TSPAN9: variants seen among roughly 807,000 people sequenced by gnomAD.
TSPAN9 encodes tetraspanin-9.
TSPAN9 carries 16 observed loss-of-function variants against 31.0 expected under a neutral mutation model. That is an observed-to-expected ratio of 0.52 (90% CI 0.35 to 0.78). The LOEUF (loss-of-function observed/expected upper bound fraction) is 0.78. TSPAN9 is among the 30% of genes least tolerant of loss of function. The probability of loss-of-function intolerance (pLI) is 0.01; values close to 1 mark genes in which losing one functional copy is unlikely to be tolerated. For missense variants in TSPAN9, 272 were observed against 312.5 expected (o/e 0.87, Z 0.98); for synonymous variants, 145 against 121.6 (o/e 1.19, Z -1.27).
At chr12:3,244,489 G>T (rs1393896466) in intron 3 of TSPAN9, among the ~76,000 whole-genome samples, 1 of 152,234 alleles carries the variant, frequency 6.6e-6, no homozygotes, top group South Asian at 2.1e-4. Flanking sequence ...GGCGTGAGGT[G>T]CGCAGATGGG....
intron 2 of TSPAN9, among the ~76,000 whole-genome samples, chr12:3,105,269 A>C (rs1008058096): frequency 2.0e-5 from 3 of 152,138 alleles, no homozygotes; most frequent in African/African-American, 7.2e-5. Context: ...CTCCCAGGGG[A>C]GGGAAGCTCC....
chr12:3,133,888 C>T (rs948423867), intron 2 of TSPAN9, among the ~76,000 whole-genome samples: 3 of 152,270 alleles, frequency 2.0e-5, no homozygotes, highest in Non-Finnish European at 4.4e-5. Context: ...GCCACCCAGG[C>T]GCAGTTTCTA....
chr12:3,259,125 G>T (rs78646247), intron 3 of TSPAN9, among the ~76,000 whole-genome samples: 5,095 of 152,302 alleles, frequency 0.033, 281 homozygotes, highest in African/African-American at 0.12. Flanking sequence ...TTTTCATTTT[G>T]TATGTGAGGA....
intron 8 of TSPAN9, among the ~76,000 whole-genome samples, chr12:3,282,837 G>A (rs529163004): frequency 6.6e-6 from 1 of 152,374 alleles, no homozygotes; most frequent in African/African-American, 2.4e-5. Context: ...AGCCCCACGA[G>A]GCTGAGCCAG....
chr12:3,280,286 C>A lies in TSPAN9; in HGVS notation c.331-96C>A. ...TGCCTTCCCTGCCTTCCTCACTCCTCATCTGTCACCCACCATCCTGGGTGA... is the reference window on the plus strand; with the variant it reads ...TGCCTTCCCTGCCTTCCTCACTCCTAATCTGTCACCCACCATCCTGGGTGA... On this transcript the variant is annotated intron_variant, in intron 5 of 8. Coordinates refer to ENST00000011898, the MANE Select transcript of TSPAN9 (RefSeq NM_006675.5). This position sits in a 1 kb window ranked among gnomAD's most constrained non-coding sequence, Gnocchi z 4.5. The A allele has an allele frequency of 8.9e-7, 1 of 1,127,102 alleles. No homozygotes were observed. Among genetic ancestry groups the A allele is most frequent in the Non-Finnish European group, 1.3e-6 (1 of 762,432 alleles). The allele number at this position is 1,127,102 out of a possible 1,614,324, so 69.8% of individuals were successfully genotyped here. A position where few individuals can be genotyped will look rare whatever the true frequency, so the allele number is the denominator to read the frequency against.
intron 2 of TSPAN9, among the ~76,000 whole-genome samples, chr12:3,185,710 G>A (rs2098360909): frequency 6.6e-6 from 1 of 152,246 alleles, no homozygotes; most frequent in Admixed American, 6.5e-5. Flanking sequence ...GAGCCCGCCT[G>A]AGGCCTGATG....
At chr12:3,093,508 G>A (rs2098306018) in intron 2 of TSPAN9, among the ~76,000 whole-genome samples, 1 of 152,162 alleles carries the variant, frequency 6.6e-6, no homozygotes. Context: ...AACGTGGATG[G>A]GGGCTGCGGA....
chr12:3,173,152 T>C (rs2098353011), intron 2 of TSPAN9: 1 of 152,580 alleles, frequency 6.6e-6, no homozygotes, highest in Non-Finnish European at 1.5e-5. Flanking sequence ...TGGCTGTGCC[T>C]GGCATGTGGA....
intron 2 of TSPAN9, among the ~76,000 whole-genome samples, chr12:3,088,948 A>G (rs543870200): frequency 3.3e-5 from 5 of 152,020 alleles, no homozygotes; most frequent in African/African-American, 7.2e-5. Flanking sequence ...AAGGGACACT[A>G]TAGGCTGGGT....
intron 2 of TSPAN9, among the ~76,000 whole-genome samples, chr12:3,104,518 A>G (rs946836734): frequency 3.3e-5 from 5 of 151,860 alleles, no homozygotes; most frequent in Admixed American, 2.6e-4. Flanking sequence ...ACGCCTGGTT[A>G]ATTTTTGCAT....
At position 3,280,622 on chromosome 12, in the gene TSPAN9, G is replaced by T; in HGVS notation, c.432+139G>T. ...CGGGAGTGGAGTGGTACCCACGGGG[G>T]CATTTGCCTGAACTGCTGAGTCAGA... is the stretch of plus-strand genomic sequence containing the variant. On this transcript the variant is annotated intron_variant, in intron 6 of 8. Transcript: ENST00000011898. The surrounding 1 kb of genome is among the most constrained non-coding windows in gnomAD (Gnocchi z 4.5). 1.4e-6 allele frequency: 1 copy of T among 726,068 alleles called. No homozygotes were observed. Among genetic ancestry groups the T allele is most frequent in the South Asian group, 1.7e-5 (1 of 58,572 alleles). 45.0% of individuals were successfully genotyped at this position (726,068 alleles called of 1,614,324 possible).
At chr12:3,258,096 G>A (rs941821486) in intron 3 of TSPAN9, among the ~76,000 whole-genome samples, 3 of 152,200 alleles carry the variant, frequency 2.0e-5, no homozygotes, top group African/African-American at 7.2e-5. Flanking sequence ...CCACTCATGG[G>A]CAGTGGGTGC....
chr12:3,214,294 G>A (rs1480017749), intron 3 of TSPAN9, among the ~76,000 whole-genome samples: 4 of 152,204 alleles, frequency 2.6e-5, no homozygotes, highest in African/African-American at 7.2e-5. Flanking sequence ...ATGGACCACG[G>A]ATGAGTTTCT....
At chr12:3,121,722 G>C (rs749541307) in intron 2 of TSPAN9, among the ~76,000 whole-genome samples, 6 of 152,154 alleles carry the variant, frequency 3.9e-5, no homozygotes, top group African/African-American at 1.2e-4. Flanking sequence ...CACTGAGCCT[G>C]TGCTGCCCGG....
intron 3 of TSPAN9, among the ~76,000 whole-genome samples, chr12:3,245,777 A>G (rs776116463): frequency 1.4e-4 from 22 of 152,244 alleles, no homozygotes; most frequent in South Asian, 1.0e-3. Context: ...TGGATGCTGT[A>G]TCTTATCTGC....
intron 2 of TSPAN9, among the ~76,000 whole-genome samples, chr12:3,152,955 G>A (rs1239878397): frequency 2.0e-5 from 3 of 152,240 alleles, no homozygotes; most frequent in African/African-American, 7.2e-5. Context: ...AAATGACAGA[G>A]CAGCAGAGGC....
Position 3,249,740 on chromosome 12 carries a change from A to G in TSPAN9, c.64-28681A>G, listed in dbSNP as rs531190968. Among the ~76,000 whole-genome samples, 18 of 152,280 alleles carry G rather than the reference A, an allele frequency of 1.2e-4. No homozygotes were observed. The East Asian group carries it at 3.1e-3, about 26-fold the overall frequency. On this transcript the variant is annotated intron_variant, in intron 3 of 8. Transcript: ENST00000011898. ...GGGCAGACATCCTTACCTTTGTTTT[A>G]TGAATGAGGGAACAGGCCTAGAGAG...
chr12:3,089,029 G>A (rs921715392), intron 2 of TSPAN9, among the ~76,000 whole-genome samples: 2 of 151,816 alleles, frequency 1.3e-5, no homozygotes, highest in African/African-American at 4.8e-5. Flanking sequence ...TCAGGAGATC[G>A]AGATCATCCT....
intron 2 of TSPAN9, among the ~76,000 whole-genome samples, chr12:3,182,654 C>A (rs923196499): frequency 6.6e-6 from 1 of 152,132 alleles, no homozygotes; most frequent in Non-Finnish European, 1.5e-5. Context: ...CAGGTCTGTC[C>A]GCAAAGAGAG....
Sources: allele counts gnomAD v4.1 joint callset (sites outside exome capture counted in the v4.1 genomes callset), GRCh38; gene constraint gnomAD v4.1.1; non-coding constraint Gnocchi (gnomAD v3.1); transcripts MANE v1.5; gene names NCBI Gene and HGNC (gene_info 2026-07-23, HGNC 2026-07-21).